The following FRMD4A variants were observed in gnomAD, a reference collection of about 807,000 sequenced individuals.
FRMD4A encodes the protein FERM domain containing 4A.
A neutral mutation model predicts 129.1 loss-of-function variants in FRMD4A; 29 were observed. The ratio of observed to expected loss-of-function variants is 0.22; its 90% CI spans 0.17 to 0.31. The LOEUF (loss-of-function observed/expected upper bound fraction) is 0.31. Ranked by LOEUF, FRMD4A falls within the 10% of genes least tolerant of loss-of-function variation. The pLI is 1.00. For missense variants in FRMD4A, 1,272 were observed against 1,375.8 expected, an observed-to-expected ratio of 0.92 and a Z score of 1.19; for synonymous variants, 634 against 571.6, an observed-to-expected ratio of 1.11 and a Z score of -1.56.
chr10:14,188,742 G>A (rs1054748232), intron 2 of FRMD4A, among the ~76,000 whole-genome samples: 3 of 152,102 alleles, frequency 2.0e-5, no homozygotes, highest in Non-Finnish European at 2.9e-5. Flanking sequence ...CCGTCCCTAC[G>A]AAAAATCAAA....
rs368644769 is a variant in FRMD4A, at chr10:13,659,368, G to A, written c.2021C>T (p.Thr674Met). 24 of 1,614,038 alleles carry A rather than the reference G, an allele frequency of 1.5e-5. No individual in the cohort carries two copies. Among genetic ancestry groups the A allele is most frequent in the East Asian group, 2.2e-5 (1 of 44,906 alleles). The change falls in exon 21 of 25, where the codon ACG (threonine) becomes ATG (methionine). Residue 674 changes from threonine to methionine, a missense_variant. By Grantham distance (81) the Thr-to-Met change is moderately conservative. This residue lies in a region of FRMD4A where 972 missense variants were observed against 892.3 expected (regional missense o/e 1.09). Coordinates refer to ENST00000357447, the MANE Select transcript of FRMD4A (RefSeq NM_018027.5). ...HWNSQSSMPS[T>M]PDLRVRSPHY... ...GGGACTCCGGACCCGCAGGTCTGGC[G>A]TGGACGGCATGCTGGACTGGGAGTT...
At chr10:14,120,818 C>G (rs985544443) in intron 2 of FRMD4A, among the ~76,000 whole-genome samples, 1 of 152,192 alleles carries the variant, frequency 6.6e-6, no homozygotes. Flanking sequence ...GCTACTCTTG[C>G]CTTAACCAGC....
intron 3 of FRMD4A, among the ~76,000 whole-genome samples, chr10:13,848,743 T>C (rs75470547): frequency 0.019 from 2,872 of 152,180 alleles, 85 homozygotes; most frequent in African/African-American, 0.066. Context: ...CCCTTTGTTC[T>C]AACCAGGGCA....
chr10:13,952,656 A>T (rs527490458), intron 2 of FRMD4A, among the ~76,000 whole-genome samples: 14 of 152,274 alleles, frequency 9.2e-5, no homozygotes, highest in African/African-American at 3.1e-4. Flanking sequence ...CTTCTTACTG[A>T]GAGGTAGTTG....
chr10:13,727,253 A>C (rs1231377204), intron 12 of FRMD4A, among the ~76,000 whole-genome samples: 1 of 152,188 alleles, frequency 6.6e-6, no homozygotes. Flanking sequence ...TGCTGGTCCA[A>C]GGACCACACT....
At chr10:13,932,476 TGAG>T (rs954547548) in intron 2 of FRMD4A, among the ~76,000 whole-genome samples, 2 of 152,200 alleles carry the variant, frequency 1.3e-5, no homozygotes, top group African/African-American at 2.4e-5. Flanking sequence ...CCTTGTTCCA[TGAG>T]GAGAAGGCGG....
intron 2 of FRMD4A, among the ~76,000 whole-genome samples, chr10:14,273,092 G>GCA (rs147736514): frequency 6.9e-5 from 9 of 130,118 alleles, no homozygotes; most frequent in African/African-American, 1.6e-4. Context: ...ACACACACAT[G>GCA]CACACACACA....
intron 13 of FRMD4A, among the ~76,000 whole-genome samples, chr10:13,704,731 G>T (rs1036261576): frequency 6.6e-6 from 1 of 152,112 alleles, no homozygotes; most frequent in South Asian, 2.1e-4. Flanking sequence ...GCTACTTGTC[G>T]TCTAGAGCAG....
intron 2 of FRMD4A, among the ~76,000 whole-genome samples, chr10:14,324,633 T>C (rs1015100480): frequency 4.0e-5 from 6 of 150,306 alleles, no homozygotes; most frequent in Non-Finnish European, 8.8e-5. Context: ...TCATGAAAAC[T>C]TGAGTACTAT....
chr10:13,840,723 G>C (rs1034982642), intron 3 of FRMD4A, among the ~76,000 whole-genome samples: 8 of 150,910 alleles, frequency 5.3e-5, no homozygotes, highest in African/African-American at 2.0e-4. Context: ...AGGGGGTGGA[G>C]GTTGCAGTGA....
intron 5 of FRMD4A, among the ~76,000 whole-genome samples, chr10:13,785,514 G>T (rs978427987): frequency 6.6e-6 from 1 of 152,068 alleles, no homozygotes; most frequent in African/African-American, 2.4e-5. Context: ...CTTTAAGAAT[G>T]GAGAGCAAAA....
chr10:14,255,492 A>C (rs957348910), intron 2 of FRMD4A, among the ~76,000 whole-genome samples: 1 of 152,196 alleles, frequency 6.6e-6, no homozygotes, highest in Non-Finnish European at 1.5e-5. Context: ...GCATACTTGG[A>C]ATTGTACATT....
intron 2 of FRMD4A, among the ~76,000 whole-genome samples, chr10:14,218,551 T>G (rs1316420124): frequency 6.6e-6 from 1 of 152,184 alleles, no homozygotes; most frequent in East Asian, 1.9e-4. Context: ...GTCACAGGGC[T>G]GGATTAAGGT....
At chr10:13,740,713 C>T (rs2090939005) in intron 9 of FRMD4A, 136 bp from the exon 10 acceptor site, 1 of 593,644 alleles carries the variant, frequency 1.7e-6, no homozygotes, top group Non-Finnish European at 3.0e-6. Context: ...ATGATTTGTC[C>T]TGGAGTGGTA....
chr10:14,000,646 C>CAAAAAAAAAAAAAAAAAAAAAAAAAA (rs11377448), intron 2 of FRMD4A, among the ~76,000 whole-genome samples: 1 of 43,478 alleles, frequency 2.3e-5, no homozygotes, highest in African/African-American at 8.3e-5. Flanking sequence ...GACGCCACCT[C>CAAAAAAAAAAAAAAAAAAAAAAAAAA]AAAAAAAAAA....
At chr10:14,211,672 A>T (rs12570323) in intron 2 of FRMD4A, among the ~76,000 whole-genome samples, 49,793 of 151,970 alleles carry the variant, frequency 0.33, 8,226 homozygotes, top group Admixed American at 0.36. Context: ...ATCAGAGCAA[A>T]TGATAATTGT....
chr10:13,765,667 C>A (rs2092262253), intron 6 of FRMD4A, among the ~76,000 whole-genome samples: 1 of 152,168 alleles, frequency 6.6e-6, no homozygotes, highest in Non-Finnish European at 1.5e-5. Context: ...GCTGAAAGAG[C>A]TTTACGGCGG....
chr10:13,810,522 T>C (rs1462360875), intron 4 of FRMD4A, among the ~76,000 whole-genome samples: 2 of 152,168 alleles, frequency 1.3e-5, no homozygotes, highest in African/African-American at 4.8e-5. Context: ...CAAACTCACA[T>C]AGATCCACTT....
At chr10:14,329,981 G>A in intron 2 of FRMD4A, 77 bp downstream of exon 2, 4 of 1,350,030 alleles carry the variant, frequency 3.0e-6, no homozygotes, top group Non-Finnish European at 4.2e-6. Flanking sequence ...AGCCACTGCA[G>A]CGGCAGCAGC....
Sources: gnomAD v4.1 joint callset for allele counts (sites outside exome capture counted in the v4.1 genomes callset) on GRCh38, gnomAD v4.1.1 for gene constraint, gnomAD v4.1.1 regional missense constraint, MANE v1.5 for transcripts, NCBI Gene and HGNC (gene_info 2026-07-23, HGNC 2026-07-21) for gene names.